Variants in SMYD3 observed in about 807,000 individuals in gnomAD.
The protein encoded by SMYD3 is histone-lysine N-methyltransferase SMYD3.
In SMYD3, 36 loss-of-function variants were observed where a neutral mutation model predicts 57.7. The observed-to-expected ratio is 0.62, with a 90% CI of 0.48 to 0.82. The LOEUF (loss-of-function observed/expected upper bound fraction) is 0.82, where lower values mean the gene tolerates loss of function less well. SMYD3 is among the 40% of genes least tolerant of loss of function. The probability of loss-of-function intolerance (pLI) is 0.00; values close to 1 mark genes in which losing one functional copy is unlikely to be tolerated. For missense variants in SMYD3, 515 were observed against 538.8 expected, an observed-to-expected ratio of 0.96 and a Z score of 0.44; for synonymous variants, 211 against 195.0, an observed-to-expected ratio of 1.08 and a Z score of -0.68.
At chr1:245,893,690 T>C (rs182764773) in intron 8 of SMYD3, among the ~76,000 whole-genome samples, 2 of 152,132 alleles carry the variant, frequency 1.3e-5, no homozygotes, top group Non-Finnish European at 1.5e-5. Flanking sequence ...GGGAGTGGGG[T>C]ATAGACATGG....
At chr1:246,071,539 G>C (rs1411615257) in intron 5 of SMYD3, among the ~76,000 whole-genome samples, 2 of 152,088 alleles carry the variant, frequency 1.3e-5, no homozygotes, top group African/African-American at 2.4e-5. Context: ...CCTAGGGGTG[G>C]TGCCATTATA....
intron 1 of SMYD3, among the ~76,000 whole-genome samples, chr1:246,421,779 T>C (rs1243725367): frequency 6.6e-6 from 1 of 152,148 alleles, no homozygotes; most frequent in South Asian, 2.1e-4. Context: ...AAACATCAAG[T>C]GCAATGTGAG....
chr1:246,362,465 A>G (rs2066006873), intron 1 of SMYD3, among the ~76,000 whole-genome samples: 1 of 121,296 alleles, frequency 8.2e-6, no homozygotes, highest in Admixed American at 7.6e-5. Context: ...CTCCCTCTCC[A>G]CGGTCTCCCT....
At chr1:245,778,823 A>AATTAG (rs112631482) in intron 10 of SMYD3, among the ~76,000 whole-genome samples, 77,727 of 151,524 alleles carry the variant, frequency 0.51, 23,809 homozygotes, top group East Asian at 0.88. Flanking sequence ...AAAATGGAAA[A>AATTAG]ATTTCATCAA....
chr1:246,168,784 ATTG>A lies in SMYD3; in HGVS notation c.531+158414_531+158416del, dbSNP rs112312990. ...CTGCTTGGGTCTAAAAGTCATGTAT[ATTG>A]TTCTGACAAGTCTACCTTGCTGCCA... On this transcript the variant is annotated intron_variant, in intron 5 of 11. Coordinates refer to ENST00000490107, the MANE Select transcript of SMYD3 (RefSeq NM_001167740.2). 1.6e-3 allele frequency among the ~76,000 whole-genome samples: 247 copies of A among 152,244 alleles called. 1 individual carries two copies. The highest frequency in any genetic ancestry group is 5.5e-3 in the African/African-American group (229 of 41,554).
intron 5 of SMYD3, among the ~76,000 whole-genome samples, chr1:246,276,144 T>C (rs12741499): frequency 8.1e-6 from 1 of 123,526 alleles, no homozygotes. Context: ...TTATTTAATG[T>C]CTGTAGTGGA....
chr1:246,344,787 T>C (rs2065686079), intron 2 of SMYD3, among the ~76,000 whole-genome samples: 1 of 152,228 alleles, frequency 6.6e-6, no homozygotes, highest in African/African-American at 2.4e-5. Flanking sequence ...TGTAGTAATA[T>C]CTCATTATGG....
At chr1:245,779,431 C>A (rs1363283772) in intron 10 of SMYD3, among the ~76,000 whole-genome samples, 1 of 152,130 alleles carries the variant, frequency 6.6e-6, no homozygotes, top group Non-Finnish European at 1.5e-5. Context: ...CCAATGAGCA[C>A]CACCACGTAC....
At chr1:246,344,867 T>G (rs1391070543) in intron 2 of SMYD3, among the ~76,000 whole-genome samples, 1 of 152,224 alleles carries the variant, frequency 6.6e-6, no homozygotes, top group African/African-American at 2.4e-5. Flanking sequence ...TTAAAGTATC[T>G]ATTCAAATCT....
intron 1 of SMYD3, among the ~76,000 whole-genome samples, chr1:246,416,635 GA>G (rs1457291198): frequency 6.6e-6 from 1 of 151,150 alleles, no homozygotes; most frequent in Non-Finnish European, 1.5e-5. Flanking sequence ...TTTTTGCATT[GA>G]AAATCATACA....
At chr1:246,440,989 C>T (rs775291016) in intron 1 of SMYD3, among the ~76,000 whole-genome samples, 4 of 152,108 alleles carry the variant, frequency 2.6e-5, no homozygotes, top group Admixed American at 2.6e-4. Flanking sequence ...ATTACACACA[C>T]CTGTTAGTGG....
intron 5 of SMYD3, among the ~76,000 whole-genome samples, chr1:246,074,581 C>T (rs1446161135): frequency 6.6e-6 from 1 of 152,110 alleles, no homozygotes; most frequent in Non-Finnish European, 1.5e-5. Context: ...AAATGAAAAA[C>T]ACTAGATGAG....
At chr1:246,343,899 TC>T (rs1393069048) in intron 2 of SMYD3, among the ~76,000 whole-genome samples, 1 of 152,190 alleles carries the variant, frequency 6.6e-6, no homozygotes, top group African/African-American at 2.4e-5. Context: ...ACTTAATAGC[TC>T]TGTGGTGACC....
chr1:246,075,941 G>GAA (rs34386298), intron 5 of SMYD3, among the ~76,000 whole-genome samples: 4,838 of 92,864 alleles, frequency 0.052, 123 homozygotes, highest in Non-Finnish European at 0.088. Context: ...CATATAGCAA[G>GAA]AAAAAAAAAA....
chr1:246,402,402 GCA>G (rs1337007580), intron 1 of SMYD3, among the ~76,000 whole-genome samples: 1 of 84,142 alleles, frequency 1.2e-5, no homozygotes, highest in Non-Finnish European at 3.3e-5. Context: ...CCATATCTGA[GCA>G]CGTGATACCT....
At chr1:246,237,770 G>A (rs12140733) in intron 5 of SMYD3, among the ~76,000 whole-genome samples, 33,804 of 151,906 alleles carry the variant, frequency 0.22, 4,429 homozygotes, top group East Asian at 0.58. Context: ...CATGCCATCC[G>A]TATCGTACTG....
At chr1:245,860,756 C>T (rs1176051032) in intron 9 of SMYD3, among the ~76,000 whole-genome samples, 3 of 152,192 alleles carry the variant, frequency 2.0e-5, no homozygotes, top group Non-Finnish European at 2.9e-5. Context: ...TCTTAGGCAA[C>T]GCACTGATTT....
chr1:246,018,375 C>G (rs2148217504), intron 5 of SMYD3, among the ~76,000 whole-genome samples: 1 of 152,240 alleles, frequency 6.6e-6, no homozygotes, highest in East Asian at 1.9e-4. Context: ...CAGCTTTGAG[C>G]CAAAGTGGCT....
intron 5 of SMYD3, among the ~76,000 whole-genome samples, chr1:246,134,015 C>T (rs1208247986): frequency 1.3e-5 from 2 of 152,098 alleles, no homozygotes; most frequent in African/African-American, 2.4e-5. Flanking sequence ...CCAGAAGAAC[C>T]TATTTCCATG....
Sources: allele counts gnomAD v4.1 joint callset (sites outside exome capture counted in the v4.1 genomes callset), GRCh38; gene constraint gnomAD v4.1.1; transcripts MANE v1.5; gene names NCBI Gene and HGNC (gene_info 2026-07-23, HGNC 2026-07-21).